NOP53: variants seen among roughly 807,000 people sequenced by gnomAD.
NOP53 encodes the protein ribosome biogenesis protein NOP53.
Under a neutral mutation model 61.0 loss-of-function variants are expected in NOP53, and 40 were observed. The observed-to-expected ratio is 0.66, with a 90% CI of 0.51 to 0.85. The LOEUF (loss-of-function observed/expected upper bound fraction) is 0.85. Ranked by LOEUF, NOP53 falls within the 40% of genes least tolerant of loss-of-function variation. The pLI, the probability that NOP53 is intolerant of heterozygous loss-of-function variation, is 0.00. For synonymous variants in NOP53, 308 were observed against 289.5 expected, an observed-to-expected ratio of 1.06 and a Z score of -0.65; for missense variants, 689 against 652.9, an observed-to-expected ratio of 1.06 and a Z score of -0.60.
At chr19:47,756,950 G>T (rs909083194) in intron 12 of NOP53, 49 bp from the exon 13 acceptor site, 1 of 1,612,820 alleles carries the variant, frequency 6.2e-7, no homozygotes, top group Non-Finnish European at 8.5e-7. Context: ...TCGGCAGGGG[G>T]TATGGGGCAC....
chr19:47,755,332 T>A lies in NOP53; in HGVS notation c.1054-16T>A. 1 of 1,473,296 alleles carries A rather than the reference T, an allele frequency of 6.8e-7. No homozygotes were observed. Among genetic ancestry groups the A allele is most frequent in the Non-Finnish European group, 8.9e-7 (1 of 1,118,744 alleles). The allele number at this position is 1,473,296 out of a possible 1,614,324, so 91.3% of individuals were successfully genotyped here. ...GCAGCACCGGCCTGAGCCCTGACCC[T>A]CCCCCGTCTCCACAGCGGGTACAGC... On this transcript the variant is annotated splice_polypyrimidine_tract_variant and intron_variant, in intron 8 of 12. Transcript: ENST00000246802.
Position 47,745,778 on chromosome 19 carries a change from G to T in NOP53, c.219G>T (p.Thr73=). ...FLEDVRLQER[T]SGGLLSEAPN... ...AAGACGTGCGGCTACAGGAGCGCAC[G>T]AGCGGGTACGTTGGGCGGGACTTCC... The change falls in exon 1 of 13, where the codon ACG becomes ACT. Residue 73 remains threonine, a synonymous_variant. Coordinates refer to ENST00000246802, the MANE Select transcript of NOP53 (RefSeq NM_015710.5). The T allele has an allele frequency of 6.5e-7, 1 of 1,548,492 alleles. No homozygotes were observed. The highest frequency in any genetic ancestry group is 8.7e-7 in the Non-Finnish European group (1 of 1,148,424).
intron 5 of NOP53, 120 bp from the exon 6 acceptor site, chr19:47,752,392 C>T (rs1967135098): frequency 1.5e-6 from 1 of 664,046 alleles, no homozygotes; most frequent in South Asian, 1.7e-5. Context: ...CTGAATGCCC[C>T]TTGAGCTCTT....
At chr19:47,755,631 G>C (rs1283524275) in intron 9 of NOP53, 108 bp downstream of exon 9, 2 of 1,334,654 alleles carry the variant, frequency 1.5e-6, no homozygotes, top group Admixed American at 2.2e-5. Context: ...CCCATCGGGA[G>C]ACCACCTCTT....
In NOP53 at chr19:47,754,414, T is replaced by C; in HGVS notation, c.766-113T>C. On this transcript the variant is annotated intron_variant, in intron 6 of 12. Transcript: ENST00000246802. The surrounding 1 kb of genome is among the most constrained non-coding windows in gnomAD (Gnocchi z 4.2). ...TAGACGGGGTGTGGGGAGGAAAGCCTGGGCCGGGGCGGGATCCACGGGCAC... is the reference window on the plus strand; with the variant it reads ...TAGACGGGGTGTGGGGAGGAAAGCCCGGGCCGGGGCGGGATCCACGGGCAC... 1 of 826,702 alleles carries C rather than the reference T, an allele frequency of 1.2e-6. No individual in the cohort carries two copies. Among genetic ancestry groups the C allele is most frequent in the Non-Finnish European group, 2.0e-6 (1 of 506,812 alleles). 51.2% of individuals were successfully genotyped at this position (826,702 alleles called of 1,614,324 possible).
At chr19:47,752,973 TC>T (rs1219776324) in intron 6 of NOP53, 1 of 196,118 alleles carries the variant, frequency 5.1e-6, no homozygotes, top group Non-Finnish European at 1.1e-5. Flanking sequence ...CGTGGCGCCT[TC>T]CAGGAAGCCT....
rs1413784861 is a variant in NOP53 at position 47,755,619 on chromosome 19, C to CA, written c.1229+96_1229+97insA. 11 of 1,349,982 alleles carry CA rather than the reference C, an allele frequency of 8.1e-6. No homozygotes were observed. The African/African-American group carries it at 1.6e-4, about 20-fold the overall frequency. The allele number at this position is 1,349,982 out of a possible 1,614,324, so 83.6% of individuals were successfully genotyped here. ...GCCTTTGTTCAGGAACTGCCCACCC[C>CA]CCCCATCGGGAGACCACCTCTTCCC... On this transcript the variant is annotated intron_variant, in intron 9 of 12. Coordinates refer to ENST00000246802, the MANE Select transcript of NOP53 (RefSeq NM_015710.5).
At position 47,747,043 on chromosome 19, in the gene NOP53, C is replaced by G. The variant is rs181093868; in HGVS notation, c.289+12C>G. 3.1e-4 allele frequency: 495 copies of G among 1,609,370 alleles called. 5 individuals are homozygous for G. The Admixed American group carries it at 8.2e-3, about 27-fold the overall frequency. The stretch of plus-strand genomic sequence containing the variant: ...CTCCAAGGAAAAAGGTGAGGAGAGG[C>G]TTTTGTGGTGTGGAATGGCGGTTAT... On this transcript the variant is annotated intron_variant, in intron 2 of 12. Transcript: ENST00000246802.
At chr19:47,751,641 G>T (rs781748751) in intron 5 of NOP53, 51 bp downstream of exon 5, 3 of 1,376,338 alleles carry the variant, frequency 2.2e-6, no homozygotes, top group African/African-American at 1.4e-5. Context: ...GAGGAGGGCC[G>T]GGAGCTGCTC....
chr19:47,756,949 G>T (rs779638164), intron 12 of NOP53, 50 bp from the exon 13 acceptor site: 1 of 1,612,678 alleles, frequency 6.2e-7, no homozygotes. Flanking sequence ...GTCGGCAGGG[G>T]GTATGGGGCA....
Position 47,754,306 on chromosome 19 carries a change from G to C in NOP53, c.766-221G>C. The C allele has an allele frequency of 1.8e-6, 1 of 559,426 alleles. No individual in the cohort carries two copies. Among genetic ancestry groups the C allele is most frequent in the Non-Finnish European group, 3.2e-6 (1 of 310,520 alleles). The allele number at this position is 559,426 out of a possible 1,614,324, so 34.7% of individuals were successfully genotyped here. A position where few individuals can be genotyped will look rare whatever the true frequency, so the allele number is the denominator to read the frequency against. On this transcript the variant is annotated intron_variant, in intron 6 of 12. Transcript: ENST00000246802. This position sits in a 1 kb window ranked among gnomAD's most constrained non-coding sequence, Gnocchi z 4.2. The stretch of plus-strand genomic sequence containing the variant: ...AAAAAAATGTGAAGCGTGCAGGTCA[G>C]ACTGCCTTCACAGACGTGCAGAGCA...
chr19:47,755,759 C>G lies in NOP53; in HGVS notation c.1233C>G (p.Tyr411Ter). The change falls in exon 10 of 13, where the codon TAC becomes TAG. Residue 411 changes from tyrosine to a stop codon, truncating the protein, a stop_gained. Transcript: ENST00000246802. LOFTEE classifies it high-confidence loss of function. ...GAACACCCGCCCTGTTCTGCAGGTA[C>G]CAGGCACCTGACATCGACGTGCAGC... The part of the protein sequence containing the change: ...DKPRRLGRLK[Y>*]QAPDIDVQLS... 4 of 1,609,176 alleles carry G rather than the reference C, an allele frequency of 2.5e-6. No individual in the cohort carries two copies. Among genetic ancestry groups the G allele is most frequent in the Non-Finnish European group, 3.4e-6 (4 of 1,178,376 alleles).
At position 47,750,923 on chromosome 19, in the gene NOP53, G is replaced by C; in HGVS notation, c.414G>C (p.Gln138His). ...CCCCGACCAGCGTCCTCGCCCACCAGGTCCCCAACGCCAAGAAGCTCAGGC... is the reference window on the plus strand; with the variant it reads ...CCCCGACCAGCGTCCTCGCCCACCACGTCCCCAACGCCAAGAAGCTCAGGC... ...VPAPKDVLAHQVPNAKKLRRK... is the reference protein window; with the variant it reads ...VPAPKDVLAHHVPNAKKLRRK... Residue 138 changes from glutamine (Q) to histidine (H), a missense_variant, in exon 4 of 13, where the codon CAG (glutamine) becomes CAC (histidine). Transcript: ENST00000246802. 1 of 1,592,786 alleles carries C rather than the reference G, an allele frequency of 6.3e-7. No homozygotes were observed. Among genetic ancestry groups the C allele is most frequent in the Non-Finnish European group, 8.5e-7 (1 of 1,171,300 alleles).
chr19:47,755,554 G>C (rs1967184461), intron 9 of NOP53, 31 bp downstream of exon 9: 1 of 1,459,770 alleles, frequency 6.9e-7, no homozygotes, highest in African/African-American at 1.4e-5. Flanking sequence ...TCTGGGAGAG[G>C]CTGGGGAGGG....
intron 2 of NOP53, among the ~76,000 whole-genome samples, chr19:47,748,501 G>A (rs1186637942): frequency 6.6e-6 from 1 of 152,090 alleles, no homozygotes; most frequent in African/African-American, 2.4e-5. Context: ...TCAGTCAAAG[G>A]GTATGTTTTA....
At chr19:47,756,807 A>G in intron 12 of NOP53, 63 bp downstream of exon 12, 1 of 1,569,484 alleles carries the variant, frequency 6.4e-7, no homozygotes, top group South Asian at 1.1e-5. Context: ...GTGCCCACCG[A>G]GTCCCAGGGC....
intron 2 of NOP53, 151 bp from the exon 3 acceptor site, chr19:47,750,027 C>G (rs902757936): frequency 1.3e-5 from 7 of 553,208 alleles, no homozygotes; most frequent in Non-Finnish European, 2.0e-5. Flanking sequence ...CCTTAGGGGC[C>G]TCTACCTCCA....
chr19:47,752,990 G>C (rs190117420), intron 6 of NOP53: 1 of 194,888 alleles, frequency 5.1e-6, no homozygotes, highest in East Asian at 1.3e-4. Flanking sequence ...AGCCTGTGGG[G>C]CAGAGATGAA....
rs142660026 is a variant in NOP53, at chr19:47,752,489, C to A, written c.670-23C>A. On this transcript the variant is annotated intron_variant, in intron 5 of 12. Transcript: ENST00000246802. Reference sequence around the variant, plus strand: ...CGCAGCCCCAACGCACGGCCTTACCCTGCCTCGGCCTTTTCTCCACAGCGG... The same window carrying A: ...CGCAGCCCCAACGCACGGCCTTACCATGCCTCGGCCTTTTCTCCACAGCGG... 23 of 1,497,450 alleles carry A rather than the reference C, an allele frequency of 1.5e-5. No homozygotes were observed. In the South Asian group the frequency reaches 2.2e-4, roughly 15 times the overall value. The allele number at this position is 1,497,450 out of a possible 1,614,324, so 92.8% of individuals were successfully genotyped here. A position where few individuals can be genotyped will look rare whatever the true frequency, so the allele number is the denominator to read the frequency against.
Sources: gnomAD v4.1 joint callset for allele counts (sites outside exome capture counted in the v4.1 genomes callset) on GRCh38, gnomAD v4.1.1 for gene constraint, Gnocchi (gnomAD v3.1) non-coding constraint, MANE v1.5 for transcripts, NCBI Gene and HGNC (gene_info 2026-07-23, HGNC 2026-07-21) for gene names.